Variants in RIMS1 observed in about 807,000 individuals in gnomAD.
RIMS1 encodes the protein regulating synaptic membrane exocytosis 1.
In RIMS1, 83 loss-of-function variants were observed where a neutral mutation model predicts 214.1. That is an observed-to-expected ratio of 0.39 (90% confidence interval 0.32 to 0.47). RIMS1 has a LOEUF of 0.47. Among genes scored for constraint, RIMS1 ranks in the 20% least tolerant of loss-of-function variants. The pLI is 0.99. For missense variants in RIMS1, 2,050 were observed against 2,161.8 expected, an observed-to-expected ratio of 0.95 and a Z score of 1.03; for synonymous variants, 793 against 786.8, an observed-to-expected ratio of 1.01 and a Z score of -0.13.
intron 2 of RIMS1, among the ~76,000 whole-genome samples, chr6:72,006,030 G>T (rs1357205675): frequency 6.6e-6 from 1 of 152,176 alleles, no homozygotes; most frequent in Non-Finnish European, 1.5e-5. Context: ...TGACAGCATG[G>T]TTGGGTTCTG....
intron 4 of RIMS1, among the ~76,000 whole-genome samples, chr6:72,103,923 T>A (rs1587015887): frequency 6.6e-6 from 1 of 152,294 alleles, no homozygotes. Flanking sequence ...CTCCAATGAT[T>A]CAGTCTGTGT....
At chr6:71,965,168 A>G in intron 1 of RIMS1, among the ~76,000 whole-genome samples, 1 of 152,178 alleles carries the variant, frequency 6.6e-6, no homozygotes, top group East Asian at 1.9e-4. Context: ...TAACATTAAG[A>G]ACAGAAATGT....
At chr6:72,237,726 C>A in intron 8 of RIMS1, 97 bp from the exon 9 acceptor site, 2 of 853,476 alleles carry the variant, frequency 2.3e-6, no homozygotes, top group Non-Finnish European at 3.7e-6. Context: ...CATGCAATTT[C>A]AAGTGTATCA....
At chr6:72,049,772 ATTTC>A (rs1824103255) in intron 2 of RIMS1, among the ~76,000 whole-genome samples, 1 of 152,156 alleles carries the variant, frequency 6.6e-6, no homozygotes, top group Non-Finnish European at 1.5e-5. Flanking sequence ...GTACAGTAAT[ATTTC>A]TTAGTGGTTC....
chr6:72,083,338 T>C (rs1044242232), intron 2 of RIMS1, among the ~76,000 whole-genome samples: 2 of 152,138 alleles, frequency 1.3e-5, no homozygotes, highest in African/African-American at 2.4e-5. Flanking sequence ...TTCTTTTTTT[T>C]TGTTTGTTGT....
At chr6:72,241,811 G>A (rs2067044167) in intron 9 of RIMS1, among the ~76,000 whole-genome samples, 1 of 152,136 alleles carries the variant, frequency 6.6e-6, no homozygotes, top group Non-Finnish European at 1.5e-5. Flanking sequence ...ATCTGGTGAA[G>A]ACACTGAAGC....
intron 2 of RIMS1, among the ~76,000 whole-genome samples, chr6:72,063,007 C>G (rs576362056): frequency 6.6e-6 from 1 of 152,098 alleles, no homozygotes; most frequent in South Asian, 2.1e-4. Flanking sequence ...TTCAGAGGTA[C>G]TTGGGATTAG....
In RIMS1 at chr6:72,361,096, C is replaced by CTTTTT. The variant is rs70994124; in HGVS notation, c.4366+27287_4366+27291dup. Among the ~76,000 whole-genome samples the CTTTTT allele has an allele frequency of 9.6e-3, 524 of 54,484 alleles. 30 individuals are homozygous for CTTTTT. Among genetic ancestry groups the CTTTTT allele is most frequent in the Middle Eastern group, 0.015 (1 of 66 alleles). The allele number at this position is 54,484 out of a possible 152,430, so 35.7% of individuals were successfully genotyped here. The stretch of plus-strand genomic sequence containing the variant: ...CTTCTGTAGGAACGGGTCTTTCTTT[C>CTTTTT]TTTTTTTTTTTTTTTTTTTTTTTTT... On this transcript the variant is annotated intron_variant, in intron 29 of 33. Transcript: ENST00000521978.
chr6:71,985,894 T>C (rs1162186821), intron 2 of RIMS1, among the ~76,000 whole-genome samples: 1 of 152,158 alleles, frequency 6.6e-6, no homozygotes, highest in Non-Finnish European at 1.5e-5. Flanking sequence ...GTCATTTCTT[T>C]CCAAAAGCTG....
intron 2 of RIMS1, among the ~76,000 whole-genome samples, chr6:72,065,380 A>G (rs955038137): frequency 9.9e-5 from 15 of 152,164 alleles, no homozygotes; most frequent in Admixed American, 3.3e-4. Flanking sequence ...AACACTGCCT[A>G]ATTTTACTAA....
In RIMS1 at chr6:72,226,246, C is replaced by T. The variant is rs2060142816; in HGVS notation, c.1679-7527C>T. 3.9e-5 allele frequency among the ~76,000 whole-genome samples: 6 copies of T among 152,016 alleles called. No individual in the cohort carries two copies. The South Asian group carries it at 1.2e-3, about 31-fold the overall frequency. The stretch of plus-strand genomic sequence containing the variant: ...GCCAATGTAGAGGTAAGAAAGATGG[C>T]ATTGAACATCATGGTGTTTTGGGAA... On this transcript the variant is annotated intron_variant, in intron 6 of 33. Coordinates refer to ENST00000521978, the MANE Select transcript of RIMS1 (RefSeq NM_014989.7).
chr6:72,088,041 C>T (rs1057159577), intron 2 of RIMS1, among the ~76,000 whole-genome samples: 1 of 152,030 alleles, frequency 6.6e-6, no homozygotes, highest in Non-Finnish European at 1.5e-5. Flanking sequence ...TGTATGTGGT[C>T]TGCTACTACA....
At chr6:72,010,438 C>T (rs951891018) in intron 2 of RIMS1, among the ~76,000 whole-genome samples, 20 of 152,220 alleles carry the variant, frequency 1.3e-4, no homozygotes, top group African/African-American at 4.8e-4. Context: ...GATGCCCTCT[C>T]TCACAGCTCC....
At chr6:71,972,188 C>T (rs191247322) in intron 2 of RIMS1, among the ~76,000 whole-genome samples, 5 of 152,274 alleles carry the variant, frequency 3.3e-5, no homozygotes, top group East Asian at 1.9e-4. Context: ...GAATGCCCAA[C>T]AGTGTTAAAT....
intron 26 of RIMS1, among the ~76,000 whole-genome samples, chr6:72,296,201 GT>G (rs2094072095): frequency 6.6e-6 from 1 of 151,558 alleles, no homozygotes. Flanking sequence ...TAAAATTAAT[GT>G]TTTTTTAAAA....
At chr6:72,298,184 A>G (rs1164371788) in intron 26 of RIMS1, among the ~76,000 whole-genome samples, 1 of 151,928 alleles carries the variant, frequency 6.6e-6, no homozygotes, top group Non-Finnish European at 1.5e-5. Context: ...TTTACAGCAT[A>G]TGTTTTTAAA....
At chr6:72,357,147 G>A (rs2097674008) in intron 29 of RIMS1, among the ~76,000 whole-genome samples, 2 of 152,182 alleles carry the variant, frequency 1.3e-5, no homozygotes. Flanking sequence ...CTGTGGGCCA[G>A]AGAATAAAGA....
intron 1 of RIMS1, among the ~76,000 whole-genome samples, chr6:71,923,968 A>AT (rs1328592813): frequency 1.3e-5 from 2 of 152,166 alleles, no homozygotes; most frequent in African/African-American, 4.8e-5. Flanking sequence ...TGTTTTGGTA[A>AT]TTAGCTAATC....
chr6:72,163,576 T>G lies in RIMS1; in HGVS notation c.472-15999T>G, dbSNP rs559911482. Among the ~76,000 whole-genome samples the G allele has an allele frequency of 1.4e-5, 2 of 141,002 alleles. 1 individual carries two copies. The highest frequency in any genetic ancestry group is 4.7e-4 in the South Asian group (2 of 4,234). 92.5% of individuals were successfully genotyped at this position (141,002 alleles called of 152,430 possible). A position where few individuals can be genotyped will look rare whatever the true frequency, so the allele number is the denominator to read the frequency against. Reference sequence around the variant, plus strand: ...ATGGGTTTTTGGTGTGGATGTCCTTTCTGTTTGTTAGTTTTCCTTTTAGCA... The same window carrying G: ...ATGGGTTTTTGGTGTGGATGTCCTTGCTGTTTGTTAGTTTTCCTTTTAGCA... On this transcript the variant is annotated intron_variant, in intron 4 of 33. Transcript: ENST00000521978.
Sources: allele counts gnomAD v4.1 joint callset (sites outside exome capture counted in the v4.1 genomes callset), GRCh38; gene constraint gnomAD v4.1.1; transcripts MANE v1.5; gene names NCBI Gene and HGNC (gene_info 2026-07-23, HGNC 2026-07-21).